Variants in BICRAL observed in about 807,000 individuals in gnomAD.
The protein encoded by BICRAL is BRD4-interacting chromatin-remodeling complex-associated protein-like.
Under a neutral mutation model 91.8 loss-of-function variants are expected in BICRAL, and 8 were observed. The ratio of observed to expected loss-of-function variants is 0.09; its 90% CI spans 0.05 to 0.16. BICRAL has a LOEUF of 0.16. Ranked by LOEUF, BICRAL falls within the 10% of genes least tolerant of loss-of-function variation. BICRAL has a pLI of 1.00. For synonymous variants in BICRAL, 445 were observed against 491.1 expected (o/e 0.91, Z 1.24); for missense variants, 1,038 against 1,310.9 (o/e 0.79, Z 3.21).
chr6:42,769,478 G>C (rs948970654), intron 1 of BICRAL, among the ~76,000 whole-genome samples: 2 of 152,204 alleles, frequency 1.3e-5, no homozygotes, highest in Non-Finnish European at 2.9e-5. Flanking sequence ...AGAATACCAG[G>C]AGGTGAGGCT....
intron 9 of BICRAL, 31 bp from the exon 10 acceptor site, chr6:42,857,060 T>G: frequency 2.5e-6 from 4 of 1,574,576 alleles, no homozygotes; most frequent in Non-Finnish European, 3.5e-6. Context: ...AACATGACTT[T>G]ACATTGACAT....
chr6:42,762,869 G>C (rs569692270), intron 1 of BICRAL, among the ~76,000 whole-genome samples: 90 of 151,854 alleles, frequency 5.9e-4, no homozygotes, highest in Non-Finnish European at 1.1e-3. Flanking sequence ...CGAGGCTGCT[G>C]TGAGCCGTGA....
chr6:42,827,429 A>G (rs1582849703), intron 5 of BICRAL, among the ~76,000 whole-genome samples: 1 of 152,366 alleles, frequency 6.6e-6, no homozygotes, highest in Admixed American at 6.5e-5. Context: ...TTAAACCCAG[A>G]AAGTAGATAC....
rs748078737 is a variant in BICRAL, at chr6:42,857,600, TAAAAA to T, written c.2254+375_2254+379del. Among the ~76,000 whole-genome samples, 134 of 101,326 alleles carry T rather than the reference TAAAAA, an allele frequency of 1.3e-3. 2 individuals are homozygous for T. Among genetic ancestry groups the T allele is most frequent in the African/African-American group, 6.2e-3 (124 of 20,016 alleles). 66.5% of individuals were successfully genotyped at this position (101,326 alleles called of 152,430 possible). ...GGCAACATAGGGAGACACTGTCTCTTAAAAAAAAAAAAAAATATATATATATATAT... is the reference window on the plus strand; with the variant it reads ...GGCAACATAGGGAGACACTGTCTCTTAAAAAAAAAATATATATATATATAT... On this transcript the variant is annotated intron_variant, in intron 10 of 12. Coordinates refer to ENST00000314073, the MANE Select transcript of BICRAL (RefSeq NM_001393499.1).
intron 1 of BICRAL, among the ~76,000 whole-genome samples, chr6:42,750,284 C>A (rs1323212064): frequency 6.6e-6 from 1 of 151,988 alleles, no homozygotes; most frequent in Non-Finnish European, 1.5e-5. Context: ...CCTTAGCCTC[C>A]TGAGTAGCTG....
At chr6:42,818,012 A>T (rs1362188374) in intron 2 of BICRAL, among the ~76,000 whole-genome samples, 1 of 151,356 alleles carries the variant, frequency 6.6e-6, no homozygotes, top group African/African-American at 2.4e-5. Flanking sequence ...TATCTGCAGT[A>T]CAAATACCTG....
At chr6:42,804,898 C>T (rs181731924) in intron 1 of BICRAL, among the ~76,000 whole-genome samples, 3 of 152,126 alleles carry the variant, frequency 2.0e-5, no homozygotes, top group Admixed American at 1.3e-4. Context: ...AATTGGGCCT[C>T]GCTATGTAGC....
upstream of BICRAL, among the ~76,000 whole-genome samples, chr6:42,779,902 C>T (rs898454475): frequency 4.6e-5 from 7 of 152,006 alleles, no homozygotes; most frequent in African/African-American, 1.7e-4. Context: ...AAGCGTGAGC[C>T]ACGGCACCCA....
At chr6:42,804,200 T>G (rs926185108) in intron 1 of BICRAL, among the ~76,000 whole-genome samples, 1 of 152,192 alleles carries the variant, frequency 6.6e-6, no homozygotes, top group African/African-American at 2.4e-5. Flanking sequence ...TTTTGTATTT[T>G]TAGTAGAGAC....
intron 1 of BICRAL, among the ~76,000 whole-genome samples, chr6:42,747,805 G>GTTTTTT (rs56209754): frequency 4.0e-5 from 5 of 125,310 alleles, no homozygotes; most frequent in East Asian, 2.3e-4. Context: ...GTTTTATTTT[G>GTTTTTT]TTTTTTTTTT....
chr6:42,776,548 A>G (rs1159147473), intron 1 of BICRAL, among the ~76,000 whole-genome samples: 2 of 150,244 alleles, frequency 1.3e-5, no homozygotes, highest in Admixed American at 1.3e-4. Context: ...GGATCTGACC[A>G]TGTTGCCCAG....
At position 42,865,251 on chromosome 6, in the gene BICRAL, G is replaced by A; in HGVS notation, c.3045G>A (p.Leu1015=). ...TGGAAACCACATTTAAGAACATCTT[G>A]GAACTCAAAAAGGCGGGACGGCAGC... ...KSLETTFKNI[L]ELKKAGRQPQ... The change falls in exon 13 of 13, where the codon TTG becomes TTA. Residue 1015 remains leucine (L), a synonymous_variant. Coordinates refer to ENST00000314073, the MANE Select transcript of BICRAL (RefSeq NM_001393499.1). The A allele has an allele frequency of 6.2e-7, 1 of 1,614,116 alleles. No homozygotes were observed. The highest frequency in any genetic ancestry group is 8.5e-7 in the Non-Finnish European group (1 of 1,180,004).
intron 1 of BICRAL, among the ~76,000 whole-genome samples, chr6:42,776,080 G>C (rs2113850426): frequency 6.6e-6 from 1 of 152,202 alleles, no homozygotes; most frequent in South Asian, 2.1e-4. Flanking sequence ...GGAGTGCAAT[G>C]GTGCAATCTC....
intron 10 of BICRAL, among the ~76,000 whole-genome samples, chr6:42,858,515 TA>T (rs34689139): frequency 0.23 from 26,468 of 113,296 alleles, 2,698 homozygotes; most frequent in Non-Finnish European, 0.27. Context: ...GACTCTGTTT[TA>T]AAAAAAAAAA....
Position 42,829,431 on chromosome 6 carries a change from A to T in BICRAL, c.1098A>T (p.Gln366His), listed in dbSNP as rs533284140. Residue 366 changes from glutamine (Q) to histidine (H), a missense_variant, in exon 6 of 13, where the codon CAA (glutamine) becomes CAT (histidine). By Grantham distance (24) the Gln-to-His change is conservative. Around this residue, in one of 5 missense-constraint regions of BICRAL, gnomAD observed 532 missense variants for 724.9 expected, o/e 0.73. Transcript: ENST00000314073. ...GPHMSVNIVN[Q>H]QNTRKPVTSQ... ...ACATGTCTGTGAACATTGTAAACCAACAGAACACAAGAAAGCCAGTCACCT... is the reference window on the plus strand; with the variant it reads ...ACATGTCTGTGAACATTGTAAACCATCAGAACACAAGAAAGCCAGTCACCT... The T allele has an allele frequency of 1.0e-4, 163 of 1,614,172 alleles. No homozygotes were observed. The South Asian group carries it at 1.6e-3, about 16-fold the overall frequency.
At chr6:42,815,838 T>C (rs2113927275) in intron 2 of BICRAL, among the ~76,000 whole-genome samples, 1 of 150,922 alleles carries the variant, frequency 6.6e-6, no homozygotes, top group East Asian at 2.0e-4. Flanking sequence ...AAATACGAAA[T>C]TAGCCAGGCA....
chr6:42,835,583 A>G (rs949806139), intron 6 of BICRAL, among the ~76,000 whole-genome samples: 1 of 152,222 alleles, frequency 6.6e-6, no homozygotes, highest in South Asian at 2.1e-4. Flanking sequence ...AGACTTTACT[A>G]TTGGTTTACA....
chr6:42,767,125 C>T (rs1762648366), intron 1 of BICRAL, among the ~76,000 whole-genome samples: 1 of 151,784 alleles, frequency 6.6e-6, no homozygotes, highest in South Asian at 2.1e-4. Flanking sequence ...GCACTCCAGC[C>T]TGGGCGACAG....
chr6:42,786,117 G>A (rs1451471288), intron 1 of BICRAL, among the ~76,000 whole-genome samples: 1 of 152,216 alleles, frequency 6.6e-6, no homozygotes, highest in African/African-American at 2.4e-5. Context: ...CCAAGTCAGT[G>A]ATGAAATCAT....
Sources: gnomAD v4.1 joint callset for allele counts (sites outside exome capture counted in the v4.1 genomes callset) on GRCh38, gnomAD v4.1.1 for gene constraint, gnomAD v4.1.1 regional missense constraint, MANE v1.5 for transcripts, NCBI Gene and HGNC (gene_info 2026-07-23, HGNC 2026-07-21) for gene names.